The following SLC49A3 variants were observed in gnomAD, a reference collection of about 807,000 sequenced individuals.
The protein encoded by SLC49A3 is solute carrier family 49 member 3.
A neutral mutation model predicts 43.8 loss-of-function variants in SLC49A3; 50 were observed. That is an observed-to-expected ratio of 1.14 (90% CI 0.91 to 1.45). SLC49A3 has a LOEUF of 1.45. SLC49A3 is among the 40% of genes most tolerant of loss of function. The pLI is 0.00. For synonymous variants in SLC49A3, 413 were observed against 352.0 expected (o/e 1.17, Z -1.94); for missense variants, 906 against 774.1 (o/e 1.17, Z -2.02).
rs1195705861 is a variant in SLC49A3 at position 685,558 on chromosome 4, T to C, written c.585+277A>G. ...ACCAAAAATACAAAAAAAAAAAAAT[T>C]AGCCAAGCATGGTGGCGCACGCCTG... is the stretch of plus-strand genomic sequence containing the variant. On this transcript the variant is annotated intron_variant, in intron 4 of 9. Coordinates refer to ENST00000322224, the MANE Select transcript of SLC49A3 (RefSeq NM_032219.4). This position sits in a 1 kb window ranked among gnomAD's most constrained non-coding sequence, Gnocchi z 4.3. 6.6e-6 allele frequency among the ~76,000 whole-genome samples: 1 copy of C among 151,298 alleles called. No homozygotes were observed. Among genetic ancestry groups the C allele is most frequent in the Non-Finnish European group, 1.5e-5 (1 of 67,856 alleles).
intron 4 of SLC49A3, 77 bp from the exon 5 acceptor site, chr4:684,933 C>T (rs535992379): frequency 1.1e-5 from 17 of 1,516,012 alleles, no homozygotes; most frequent in Middle Eastern, 4.7e-4. Flanking sequence ...CTGTCCCAGG[C>T]GCCACCTCCC....
Position 682,017 on chromosome 4 carries a change from T to G in SLC49A3, c.1621A>C (p.Arg541=). The G allele has an allele frequency of 7.0e-7, 1 of 1,425,946 alleles. No individual in the cohort carries two copies. The highest frequency in any genetic ancestry group is 9.3e-7 in the Non-Finnish European group (1 of 1,075,794). The allele number at this position is 1,425,946 out of a possible 1,614,324, so 88.3% of individuals were successfully genotyped here. The change falls in exon 10 of 10, where the codon AGG becomes CGG. Residue 541 remains arginine (R), a synonymous_variant. Transcript: ENST00000322224. ...TGAGACCCAGCCGGGTCAATAAACC[T>G]GGACGCTTGGACCCTGCCTGCGAGT... ...GRLAGRVQAS[R]FIDPAGSHSS... is the part of the protein sequence containing the mutation.
chr4:678,211 C>T (rs546791224), downstream of SLC49A3: 9 of 1,506,538 alleles, frequency 6.0e-6, no homozygotes, highest in South Asian at 3.9e-5. Flanking sequence ...TGTGACCTTG[C>T]GGGTGTGGGC....
intron 6 of SLC49A3, 118 bp downstream of exon 6, chr4:684,365 G>A (rs1481291501): frequency 5.8e-6 from 8 of 1,379,666 alleles, no homozygotes; most frequent in East Asian, 2.3e-5. Context: ...AGCACAGAAG[G>A]GTGTCAATGT....
At chr4:681,238 G>T, downstream of SLC49A3, 1 of 1,438,294 alleles carries the variant, frequency 7.0e-7, no homozygotes, top group Non-Finnish European at 9.5e-7. Flanking sequence ...GAGCAGCGCC[G>T]CGGTTAGGAC....
chr4:680,223 C>T (rs73792336), downstream of SLC49A3, among the ~76,000 whole-genome samples: 1,535 of 152,298 alleles, frequency 0.01, 26 homozygotes, highest in African/African-American at 0.035. Flanking sequence ...GCTGTGTGAC[C>T]CGCCGTCGAC....
upstream of SLC49A3, among the ~76,000 whole-genome samples, chr4:690,166 C>G (rs1198076288): frequency 6.6e-6 from 1 of 152,084 alleles, no homozygotes; most frequent in Non-Finnish European, 1.5e-5. Context: ...ACTGTGCAGT[C>G]TTCTGCAGGG....
intron 6 of SLC49A3, among the ~76,000 whole-genome samples, 166 bp downstream of exon 6, chr4:684,317 G>A (rs1345608087): frequency 6.6e-6 from 1 of 152,170 alleles, no homozygotes; most frequent in Non-Finnish European, 1.5e-5. Context: ...CACTGCCTGT[G>A]GACATAATGT....
Position 685,022 on chromosome 4 carries a change from G to C in SLC49A3, c.586-166C>G. On this transcript the variant is annotated intron_variant, in intron 4 of 9. Transcript: ENST00000322224. This position sits in a 1 kb window ranked among gnomAD's most constrained non-coding sequence, Gnocchi z 4.3. ...CTTTGCGAGGCCCAGGCTGGGAGGG[G>C]CCTGCTCCAGGGGCTCATGGGGACC... is the stretch of plus-strand genomic sequence containing the variant. 1.1e-6 allele frequency: 1 copy of C among 941,960 alleles called. No homozygotes were observed. 58.4% of individuals were successfully genotyped at this position (941,960 alleles called of 1,614,324 possible). A position where few individuals can be genotyped will look rare whatever the true frequency, so the allele number is the denominator to read the frequency against.
rs1238266630 is a variant in SLC49A3, at chr4:682,653, C to T, written c.1261+128G>A. 2.3e-5 allele frequency: 17 copies of T among 737,534 alleles called. No individual in the cohort carries two copies. In the East Asian group the frequency reaches 5.1e-4, roughly 22 times the overall value. 45.7% of individuals were successfully genotyped at this position (737,534 alleles called of 1,614,324 possible). ...CACCTGTCCTATTGCCCGGGGACTC[C>T]CTGCGTGGTGCTCACCTGTCCTGCT... is the stretch of plus-strand genomic sequence containing the variant. On this transcript the variant is annotated intron_variant, in intron 9 of 9. Transcript: ENST00000322224.
At position 685,149 on chromosome 4, in the gene SLC49A3, C is replaced by T; in HGVS notation, c.586-293G>A. 2.0e-6 allele frequency: 1 copy of T among 489,744 alleles called. No homozygotes were observed. The allele number at this position is 489,744 out of a possible 1,614,324, so 30.3% of individuals were successfully genotyped here. On this transcript the variant is annotated intron_variant, in intron 4 of 9. Coordinates refer to ENST00000322224, the MANE Select transcript of SLC49A3 (RefSeq NM_032219.4). This position sits in a 1 kb window ranked among gnomAD's most constrained non-coding sequence, Gnocchi z 4.3. ...ACATCTCACTGCCAGCTGCACAGCC[C>T]ATGATAGGGCTCAACACACAGACAC...
chr4:685,250 C>T lies in SLC49A3; in HGVS notation c.586-394G>A. On this transcript the variant is annotated intron_variant, in intron 4 of 9. Transcript: ENST00000322224. The surrounding 1 kb of genome is among the most constrained non-coding windows in gnomAD (Gnocchi z 4.3). Reference sequence around the variant, plus strand: ...CCCAAGCACAAACACACCACCCGCACCTGATACACATGCACGAGCACACAC... The same window carrying T: ...CCCAAGCACAAACACACCACCCGCATCTGATACACATGCACGAGCACACAC... 1 of 329,100 alleles carries T rather than the reference C, an allele frequency of 3.0e-6. No individual in the cohort carries two copies. Among genetic ancestry groups the T allele is most frequent in the Non-Finnish European group, 5.7e-6 (1 of 175,056 alleles). 20.4% of individuals were successfully genotyped at this position (329,100 alleles called of 1,614,324 possible).
downstream of SLC49A3, chr4:678,518 G>T (rs903466349): frequency 6.9e-7 from 1 of 1,448,584 alleles, no homozygotes; most frequent in Non-Finnish European, 9.1e-7. Flanking sequence ...AGGCTGGCAT[G>T]CTCCTCAGCT....
chr4:685,925 T>G lies in SLC49A3; in HGVS notation c.509-14A>C. On this transcript the variant is annotated splice_polypyrimidine_tract_variant and intron_variant, in intron 3 of 9. Transcript: ENST00000322224. The surrounding 1 kb of genome is among the most constrained non-coding windows in gnomAD (Gnocchi z 4.3). Reference sequence around the variant, plus strand: ...CCAGAGGGTTCGCTGGGTGGGCGGATGCACAAAGTGTCAGCTCGGCTGTGG... The same window carrying G: ...CCAGAGGGTTCGCTGGGTGGGCGGAGGCACAAAGTGTCAGCTCGGCTGTGG... The G allele has an allele frequency of 1.2e-6, 2 of 1,613,812 alleles. No homozygotes were observed. The highest frequency in any genetic ancestry group is 1.7e-6 in the Non-Finnish European group (2 of 1,179,982).
chr4:682,897 A>T lies in SLC49A3; in HGVS notation c.1152-7T>A. 6.3e-7 allele frequency: 1 copy of T among 1,579,670 alleles called. No homozygotes were observed. ...GAGTATTCCCTCGGCCTGCCTGGAC[A>T]CACGTGGCCCTCAGCCCCCGCTGCA... is the stretch of plus-strand genomic sequence containing the variant. On this transcript the variant is annotated splice_region_variant and splice_polypyrimidine_tract_variant and intron_variant, in intron 8 of 9. Coordinates refer to ENST00000322224, the MANE Select transcript of SLC49A3 (RefSeq NM_032219.4).
downstream of SLC49A3, among the ~76,000 whole-genome samples, chr4:681,466 C>G (rs925578173): frequency 4.0e-5 from 6 of 150,968 alleles, no homozygotes; most frequent in Non-Finnish European, 7.4e-5. Flanking sequence ...CGCTCCCAGC[C>G]CCAGCGGGCG....
chr4:678,259 C>G, downstream of SLC49A3: 1 of 1,470,152 alleles, frequency 6.8e-7, no homozygotes, highest in Non-Finnish European at 9.0e-7. Context: ...TCACGTTGCT[C>G]TCCTGGTGAG....
chr4:683,118 G>A (rs1740159969), intron 8 of SLC49A3, 92 bp downstream of exon 8: 5 of 1,522,616 alleles, frequency 3.3e-6, no homozygotes, highest in Admixed American at 3.8e-5. Context: ...TCCCCGAAAA[G>A]GGGCCTGGAC....
At chr4:680,100 C>A (rs2109347858), downstream of SLC49A3, 1 of 1,312,296 alleles carries the variant, frequency 7.6e-7, no homozygotes, top group East Asian at 2.4e-5. Flanking sequence ...AAAAATCTCT[C>A]TTTTCCAATC....
Sources: allele counts gnomAD v4.1 joint callset (sites outside exome capture counted in the v4.1 genomes callset), GRCh38; gene constraint gnomAD v4.1.1; non-coding constraint Gnocchi (gnomAD v3.1); transcripts MANE v1.5; gene names NCBI Gene and HGNC (gene_info 2026-07-23, HGNC 2026-07-21).